Variants in CSE1L observed in about 807,000 individuals in gnomAD.
CSE1L encodes the protein chromosome segregation 1 like.
Under a neutral mutation model 120.4 loss-of-function variants are expected in CSE1L, and 24 were observed. The observed-to-expected ratio is 0.20, with a 90% confidence interval of 0.14 to 0.28. CSE1L has a LOEUF of 0.28. Ranked by LOEUF, CSE1L falls within the 10% of genes least tolerant of loss-of-function variation. The pLI, the probability that CSE1L is intolerant of heterozygous loss-of-function variation, is 1.00. For synonymous variants in CSE1L, 402 were observed against 398.3 expected (o/e 1.01, Z -0.11); for missense variants, 830 against 1,145.2 (o/e 0.72, Z 3.97).
chr20:49,065,631 T>TG (rs1256746898), intron 3 of CSE1L, among the ~76,000 whole-genome samples: 1 of 138,382 alleles, frequency 7.2e-6, no homozygotes, highest in Non-Finnish European at 1.5e-5. Context: ...GTCACTCTTG[T>TG]TGCCCAGGCT....
intron 1 of CSE1L, among the ~76,000 whole-genome samples, chr20:49,049,163 G>T (rs1332907321): frequency 6.6e-6 from 1 of 151,860 alleles, no homozygotes; most frequent in East Asian, 1.9e-4. Flanking sequence ...AGATAGTTAC[G>T]TGGAGAAAGA....
intron 1 of CSE1L, among the ~76,000 whole-genome samples, chr20:49,052,353 G>A (rs2091773227): frequency 6.6e-6 from 1 of 152,176 alleles, no homozygotes; most frequent in South Asian, 2.1e-4. Flanking sequence ...TTCAAATGAG[G>A]GTAATTGCTA....
chr20:49,093,925 A>G (rs2092120825), intron 22 of CSE1L, among the ~76,000 whole-genome samples: 1 of 152,104 alleles, frequency 6.6e-6, no homozygotes. Context: ...CTCAAAAAAA[A>G]AAAGAAAAGA....
intron 16 of CSE1L, among the ~76,000 whole-genome samples, chr20:49,087,249 G>C (rs1380204051): frequency 6.6e-6 from 1 of 151,904 alleles, no homozygotes; most frequent in East Asian, 1.9e-4. Flanking sequence ...TTTTTTGAGG[G>C]AGGTGGATAG....
chr20:49,063,215 T>C lies in CSE1L; in HGVS notation c.99T>C (p.Leu33=). 1 of 1,576,996 alleles carries C rather than the reference T, an allele frequency of 6.3e-7. No individual in the cohort carries two copies. Among genetic ancestry groups the C allele is most frequent in the Non-Finnish European group, 8.6e-7 (1 of 1,168,284 alleles). The change falls in exon 3 of 25, where the codon CTT becomes CTC. Residue 33 remains leucine (L), a synonymous_variant. Coordinates refer to ENST00000262982, the MANE Select transcript of CSE1L (RefSeq NM_001316.4). ...ATTCTTTTACAGCTGAGAAATTTCT[T>C]GAATCTGTTGAAGGAAATCAGAATT... is the stretch of plus-strand genomic sequence containing the variant. ...PAIRRPAEKF[L]ESVEGNQNYP... is the part of the protein sequence containing the mutation.
In CSE1L at chr20:49,084,045, T is replaced by C. The variant is rs1256039400; in HGVS notation, c.1502T>C (p.Leu501Ser). The change falls in exon 15 of 25, where the codon TTA becomes TCA. Residue 501 changes from leucine (L) to serine (S), a missense_variant. By Grantham distance (145) the Leu-to-Ser change is moderately radical (BLOSUM62 -2). Coordinates refer to ENST00000262982, the MANE Select transcript of CSE1L (RefSeq NM_001316.4). ...FRNQVPKEHL[L>S]VSIPLLINHL... ...TTTTAGGTGCCAAAAGAACATCTTT[T>C]AGTCTCGATTCCTCTCTTGATTAAT... 2 of 1,613,862 alleles carry C rather than the reference T, an allele frequency of 1.2e-6. No individual in the cohort carries two copies. Among genetic ancestry groups the C allele is most frequent in the African/African-American group, 2.7e-5 (2 of 75,058 alleles).
chr20:49,087,351 CTTTTTTTTTTT>C (rs11483071), intron 16 of CSE1L, among the ~76,000 whole-genome samples: 15 of 116,284 alleles, frequency 1.3e-4, no homozygotes, highest in African/African-American at 5.0e-4. Flanking sequence ...TTTTCTTTTT[CTTTTTTTTTTT>C]TTTTTTTGAG....
chr20:49,064,432 G>A (rs1443758505), intron 3 of CSE1L, among the ~76,000 whole-genome samples: 3 of 152,184 alleles, frequency 2.0e-5, no homozygotes, highest in African/African-American at 4.8e-5. Context: ...CTTAGAGGCC[G>A]GGCTTGGTGG....
intron 2 of CSE1L, 72 bp downstream of exon 2, chr20:49,058,620 C>T: frequency 1.8e-6 from 2 of 1,137,008 alleles, no homozygotes; most frequent in Non-Finnish European, 1.3e-6. Flanking sequence ...GTATTATCTG[C>T]CTCCTTATAA....
chr20:49,089,946 A>C (rs755230541), intron 19 of CSE1L, among the ~76,000 whole-genome samples, 200 bp downstream of exon 19: 2 of 151,944 alleles, frequency 1.3e-5, no homozygotes, highest in Admixed American at 6.6e-5. Context: ...GGTGAGATCT[A>C]TCTCTACAAA....
intron 19 of CSE1L, among the ~76,000 whole-genome samples, chr20:49,090,018 G>A (rs2092088724): frequency 6.6e-6 from 1 of 152,062 alleles, no homozygotes; most frequent in Non-Finnish European, 1.5e-5. Flanking sequence ...CCATCTACTT[G>A]GGAGGCTAAG....
chr20:49,059,330 A>C (rs1436694446), intron 2 of CSE1L, among the ~76,000 whole-genome samples: 1 of 151,962 alleles, frequency 6.6e-6, no homozygotes. Context: ...ACCAGATTCC[A>C]TTAAAAACGT....
At chr20:49,074,310 G>C (rs958239475) in intron 10 of CSE1L, among the ~76,000 whole-genome samples, 1 of 150,370 alleles carries the variant, frequency 6.7e-6, no homozygotes, top group Non-Finnish European at 1.5e-5. Context: ...GGGCTCAAGC[G>C]ATCCTCCCAT....
At chr20:49,059,951 A>G (rs1329607967) in intron 2 of CSE1L, among the ~76,000 whole-genome samples, 1 of 152,042 alleles carries the variant, frequency 6.6e-6, no homozygotes, top group Non-Finnish European at 1.5e-5. Context: ...TTGGGAGGCC[A>G]AGGCAGGAAG....
chr20:49,064,618 T>G (rs1435723760), intron 3 of CSE1L, among the ~76,000 whole-genome samples: 1 of 152,026 alleles, frequency 6.6e-6, no homozygotes, highest in Non-Finnish European at 1.5e-5. Flanking sequence ...GAGGCTGAGA[T>G]GAGGGGATCA....
In CSE1L at chr20:49,090,927, A is replaced by C. The variant is rs751636212; in HGVS notation, c.2280-10A>C. On this transcript the variant is annotated splice_polypyrimidine_tract_variant and intron_variant, in intron 20 of 24. Coordinates refer to ENST00000262982, the MANE Select transcript of CSE1L (RefSeq NM_001316.4). ...TAAATTTATATTGTTGATTTTTTTT[A>C]ATTCTTTAGTGAATCAGTTGACCAA... 2 of 1,598,376 alleles carry C rather than the reference A, an allele frequency of 1.3e-6. No homozygotes were observed. Among genetic ancestry groups the C allele is most frequent in the South Asian group, 2.3e-5 (2 of 88,832 alleles).
chr20:49,083,158 G>A (rs949156079), intron 14 of CSE1L, among the ~76,000 whole-genome samples: 2 of 151,702 alleles, frequency 1.3e-5, no homozygotes, highest in South Asian at 2.1e-4. Context: ...CCGAGTAGCT[G>A]GGACTACAGG....
intron 18 of CSE1L, 41 bp downstream of exon 18, chr20:49,089,438 T>C (rs369368446): frequency 2.7e-5 from 44 of 1,607,008 alleles, no homozygotes; most frequent in Non-Finnish European, 3.7e-5. Flanking sequence ...TGGAATAAAA[T>C]TAACATGGCT....
intron 12 of CSE1L, among the ~76,000 whole-genome samples, chr20:49,076,264 C>T (rs908821287): frequency 3.3e-5 from 5 of 152,046 alleles, no homozygotes; most frequent in Admixed American, 6.6e-5. Context: ...CTTGGCTCAC[C>T]GCAACCTCCG....
Sources: gnomAD v4.1 joint callset for allele counts (sites outside exome capture counted in the v4.1 genomes callset) on GRCh38, gnomAD v4.1.1 for gene constraint, MANE v1.5 for transcripts, NCBI Gene and HGNC (gene_info 2026-07-23, HGNC 2026-07-21) for gene names.